The following LRRIQ1 variants were observed in gnomAD, a reference collection of about 807,000 sequenced individuals.
LRRIQ1 encodes leucine rich repeats and IQ motif containing 1.
A neutral mutation model predicts 211.9 loss-of-function variants in LRRIQ1; 210 were observed. The observed-to-expected ratio is 0.99, with a 90% CI of 0.89 to 1.11. The LOEUF (loss-of-function observed/expected upper bound fraction) is 1.11. Among genes scored for constraint, LRRIQ1 ranks in the 50% most tolerant of loss-of-function variants. The pLI, the probability that LRRIQ1 is intolerant of heterozygous loss-of-function variation, is 0.00. For synonymous variants in LRRIQ1, 699 were observed against 650.1 expected (o/e 1.08, Z -1.14); for missense variants, 2,136 against 1,939.5 (o/e 1.10, Z -1.90).
At chr12:85,048,306 T>TC (rs2135934308) in intron 6 of LRRIQ1, 1 of 152,420 alleles carries the variant, frequency 6.6e-6, no homozygotes, top group South Asian at 2.1e-4. Context: ...ACGCCTGTAA[T>TC]CCCAGCACCT....
At chr12:85,082,816 C>T (rs1884437788) in intron 11 of LRRIQ1, among the ~76,000 whole-genome samples, 1 of 151,986 alleles carries the variant, frequency 6.6e-6, no homozygotes, top group African/African-American at 2.4e-5. Flanking sequence ...TGTTTATTGT[C>T]ATCTTTTTAT....
chr12:85,227,288 T>A (rs1210889445), intron 24 of LRRIQ1, among the ~76,000 whole-genome samples: 3 of 152,088 alleles, frequency 2.0e-5, no homozygotes, highest in East Asian at 1.9e-4. Context: ...TCTTTTTTTT[T>A]ATATACTGTA....
At chr12:85,267,128 C>T (rs1041157910), downstream of LRRIQ1, among the ~76,000 whole-genome samples, 19 of 151,952 alleles carry the variant, frequency 1.3e-4, no homozygotes, top group Admixed American at 3.9e-4. Context: ...CTCCCACAAA[C>T]GCTATAATAG....
intron 11 of LRRIQ1, among the ~76,000 whole-genome samples, chr12:85,084,868 G>C (rs1344308351): frequency 6.6e-6 from 1 of 151,670 alleles, no homozygotes; most frequent in Non-Finnish European, 1.5e-5. Flanking sequence ...AGAGGTTGCA[G>C]TGAGCTGAGA....
At chr12:85,236,582 C>A (rs1012087317) in intron 26 of LRRIQ1, among the ~76,000 whole-genome samples, 1 of 151,648 alleles carries the variant, frequency 6.6e-6, no homozygotes, top group African/African-American at 2.4e-5. Context: ...AGGATGTCAC[C>A]AATGTGAAAA....
intron 1 of LRRIQ1, among the ~76,000 whole-genome samples, chr12:85,250,747 C>A (rs1448910707): frequency 7.8e-6 from 1 of 127,836 alleles, no homozygotes. Context: ...TGCTAAGAGG[C>A]AATAAATAGA....
chr12:85,058,485 C>T (rs1460431886), intron 8 of LRRIQ1, among the ~76,000 whole-genome samples: 1 of 151,932 alleles, frequency 6.6e-6, no homozygotes, highest in African/African-American at 2.4e-5. Context: ...GTGATGGCTT[C>T]ATGCCTACAG....
chr12:85,245,037 A>G lies in LRRIQ1; in HGVS notation c.*96A>G. The G allele has an allele frequency of 6.9e-7, 1 of 1,444,822 alleles. No individual in the cohort carries two copies. The highest frequency in any genetic ancestry group is 9.2e-7 in the Non-Finnish European group (1 of 1,092,010). The allele number at this position is 1,444,822 out of a possible 1,614,324, so 89.5% of individuals were successfully genotyped here. A position where few individuals can be genotyped will look rare whatever the true frequency, so the allele number is the denominator to read the frequency against. On this transcript the variant is annotated 3_prime_UTR_variant, in exon 27 of 27. Coordinates refer to ENST00000393217, the MANE Select transcript of LRRIQ1 (RefSeq NM_001079910.2). ...CAACCTGAACTGCCCAAAAATGTGT[A>G]TTTAAATTTTTTCTTTCTTTAAATA...
At chr12:85,180,824 T>C (rs1891944456) in intron 24 of LRRIQ1, among the ~76,000 whole-genome samples, 1 of 151,826 alleles carries the variant, frequency 6.6e-6, no homozygotes, top group South Asian at 2.1e-4. Flanking sequence ...CTGGATACAT[T>C]TTGAAATATT....
At chr12:85,080,494 A>G (rs1179630483) in intron 11 of LRRIQ1, among the ~76,000 whole-genome samples, 1 of 151,472 alleles carries the variant, frequency 6.6e-6, no homozygotes, top group Non-Finnish European at 1.5e-5. Flanking sequence ...TATATTTTTT[A>G]TAATTATACT....
intron 24 of LRRIQ1, among the ~76,000 whole-genome samples, chr12:85,183,036 A>G (rs1892060562): frequency 6.6e-6 from 1 of 152,172 alleles, no homozygotes; most frequent in Non-Finnish European, 1.5e-5. Flanking sequence ...CATAGTTTTA[A>G]TGGCCTAGTT....
intron 24 of LRRIQ1, among the ~76,000 whole-genome samples, chr12:85,214,289 A>G (rs988450128): frequency 1.3e-5 from 2 of 152,102 alleles, no homozygotes; most frequent in Admixed American, 1.3e-4. Flanking sequence ...AGTCTTTCCA[A>G]ATTAACTTAT....
intron 24 of LRRIQ1, among the ~76,000 whole-genome samples, chr12:85,211,355 G>A (rs1016786656): frequency 1.3e-5 from 2 of 152,132 alleles, no homozygotes; most frequent in Non-Finnish European, 2.9e-5. Flanking sequence ...AACCATAAGT[G>A]TATAATTATG....
chr12:85,257,213 A>G (rs1460089130), intron 1 of LRRIQ1, among the ~76,000 whole-genome samples: 35 of 2,248 alleles, frequency 0.016, no homozygotes, highest in Non-Finnish European at 0.012. Context: ...ATATATATAA[A>G]GACTGGTTTC....
chr12:85,119,237 T>A (rs2048123), intron 15 of LRRIQ1, among the ~76,000 whole-genome samples: 33,348 of 152,108 alleles, frequency 0.22, 4,329 homozygotes, highest in Admixed American at 0.31. Flanking sequence ...TTCTAGAATG[T>A]CATTAAATTG....
chr12:85,192,976 AAT>A (rs1892661776), intron 24 of LRRIQ1, among the ~76,000 whole-genome samples: 1 of 90,148 alleles, frequency 1.1e-5, no homozygotes. Flanking sequence ...ATTATATATA[AAT>A]ATATAATTAT....
downstream of LRRIQ1, among the ~76,000 whole-genome samples, chr12:85,269,245 A>G (rs1054960008): frequency 6.6e-6 from 1 of 151,938 alleles, no homozygotes; most frequent in Non-Finnish European, 1.5e-5. Flanking sequence ...GCTTCAGGGT[A>G]TTTGTATAAT....
chr12:85,040,745 T>A, intron 3 of LRRIQ1, 144 bp downstream of exon 3: 1 of 421,142 alleles, frequency 2.4e-6, no homozygotes, highest in Non-Finnish European at 4.2e-6. Context: ...ATATCTACAG[T>A]ATATTGGACT....
chr12:85,065,239 T>C (rs767344121), intron 8 of LRRIQ1, 23 bp from the exon 9 acceptor site: 2 of 1,592,974 alleles, frequency 1.3e-6, no homozygotes, highest in Non-Finnish European at 1.7e-6. Flanking sequence ...CACTACACAC[T>C]CCAATTTTCT....
Sources: gnomAD v4.1 joint callset for allele counts (sites outside exome capture counted in the v4.1 genomes callset) on GRCh38, gnomAD v4.1.1 for gene constraint, MANE v1.5 for transcripts, NCBI Gene and HGNC (gene_info 2026-07-23, HGNC 2026-07-21) for gene names.